The following MPPED1 variants were observed in gnomAD, a reference collection of about 807,000 sequenced individuals.
The protein encoded by MPPED1 is metallophosphoesterase domain containing 1, also known as metallophosphoesterase domain-containing protein 1.
MPPED1 carries 16 observed loss-of-function variants against 36.2 expected under a neutral mutation model. The observed-to-expected ratio is 0.44, with a 90% CI of 0.30 to 0.67. The LOEUF is 0.67. Among genes scored for constraint, MPPED1 ranks in the 30% least tolerant of loss-of-function variants. The pLI, the probability that MPPED1 is intolerant of heterozygous loss-of-function variation, is 0.10. For synonymous variants in MPPED1, 199 were observed against 191.3 expected, an observed-to-expected ratio of 1.04 and a Z score of -0.33; for missense variants, 307 against 453.4, an observed-to-expected ratio of 0.68 and a Z score of 2.93.
At chr22:43,500,130 G>A (rs1462898679) in intron 5 of MPPED1, among the ~76,000 whole-genome samples, 3 of 100,220 alleles carry the variant, frequency 3.0e-5, no homozygotes, top group Non-Finnish European at 6.1e-5. Context: ...GGTGATGGAG[G>A]TGGTAATGGA....
chr22:43,478,352 A>G (rs1931641854), intron 4 of MPPED1, among the ~76,000 whole-genome samples: 1 of 152,190 alleles, frequency 6.6e-6, no homozygotes, highest in African/African-American at 2.4e-5. Context: ...TCAAGGATGT[A>G]CAGAGTGCCA....
chr22:43,448,239 C>T (rs1930432451), intron 3 of MPPED1, among the ~76,000 whole-genome samples: 1 of 152,080 alleles, frequency 6.6e-6, no homozygotes, highest in Non-Finnish European at 1.5e-5. Context: ...TGTGCAACTT[C>T]CTGAGAGAGT....
At position 43,505,720 on chromosome 22, in the gene MPPED1, CG is replaced by C; in HGVS notation, c.*108del. ...GTTGCCTGGACGACCCATCTGGCTGCGGGGACTGGCCTAGCAGGCAGGTCAG... is the reference window on the plus strand; with the variant it reads ...GTTGCCTGGACGACCCATCTGGCTGCGGGACTGGCCTAGCAGGCAGGTCAG... On this transcript the variant is annotated 3_prime_UTR_variant, in exon 7 of 7. Transcript: ENST00000443721. 1.0e-6 allele frequency: 1 copy of C among 994,422 alleles called. No homozygotes were observed. The highest frequency in any genetic ancestry group is 1.5e-6 in the Non-Finnish European group (1 of 660,536). The allele number at this position is 994,422 out of a possible 1,614,324, so 61.6% of individuals were successfully genotyped here.
At chr22:43,449,028 A>G (rs1419836822) in intron 3 of MPPED1, among the ~76,000 whole-genome samples, 3 of 151,770 alleles carry the variant, frequency 2.0e-5, no homozygotes, top group African/African-American at 7.3e-5. Context: ...GACGGTTTTG[A>G]TATTTATGGT....
Position 43,474,741 on chromosome 22 carries a change from C to A in MPPED1, c.412C>A (p.Leu138Met), listed in dbSNP as rs1340391517. 1.2e-6 allele frequency: 2 copies of A among 1,613,880 alleles called. No homozygotes were observed. The highest frequency in any genetic ancestry group is 1.7e-6 in the Non-Finnish European group (2 of 1,179,890). ...VKKFNEWLGS[L>M]PYEYKIVIAG... ...GTCTGTGTCCACCCCTGCAGGCAGC[C>A]TGCCCTACGAGTACAAGATCGTGAT... The change falls in exon 4 of 7, where the codon CTG becomes ATG. Residue 138 changes from leucine (L) to methionine (M), a missense_variant. Around this residue, in one of 3 missense-constraint regions of MPPED1, gnomAD observed 169 missense variants for 212.3 expected, o/e 0.80. Transcript: ENST00000443721. The surrounding 1 kb of genome is among the most constrained non-coding windows in gnomAD (Gnocchi z 5.2).
chr22:43,473,804 T>A (rs1170676975), intron 3 of MPPED1, among the ~76,000 whole-genome samples: 2 of 152,110 alleles, frequency 1.3e-5, no homozygotes, highest in Non-Finnish European at 2.9e-5. Flanking sequence ...GCCGGGCAGC[T>A]GCCGAGAAAC....
intron 3 of MPPED1, among the ~76,000 whole-genome samples, chr22:43,448,633 C>T (rs557471536): frequency 2.6e-5 from 4 of 151,380 alleles, no homozygotes; most frequent in East Asian, 1.9e-4. Context: ...GACAGAGTCT[C>T]GCTCTGTCAC....
intron 1 of MPPED1, among the ~76,000 whole-genome samples, chr22:43,412,376 G>T (rs1041501847): frequency 6.6e-6 from 1 of 152,090 alleles, no homozygotes; most frequent in Non-Finnish European, 1.5e-5. Flanking sequence ...CTCCGCCAGG[G>T]CGCGGGACTC....
chr22:43,421,490 G>A (rs1929273815), intron 1 of MPPED1, among the ~76,000 whole-genome samples: 1 of 152,234 alleles, frequency 6.6e-6, no homozygotes, highest in South Asian at 2.1e-4. Context: ...CTCCTCTGGG[G>A]CAAAGACGGG....
At chr22:43,414,047 C>G (rs1054449181) in intron 1 of MPPED1, among the ~76,000 whole-genome samples, 2 of 152,180 alleles carry the variant, frequency 1.3e-5, no homozygotes, top group Non-Finnish European at 2.9e-5. Context: ...CTGGCTGATG[C>G]CCCGTGGGCT....
intron 3 of MPPED1, among the ~76,000 whole-genome samples, chr22:43,472,591 A>T (rs894230692): frequency 5.3e-5 from 8 of 152,232 alleles, no homozygotes; most frequent in African/African-American, 1.9e-4. Context: ...TAAATCCCGA[A>T]GAAGAAAGAG....
rs879257390 is a variant in MPPED1, at chr22:43,447,707, T to C, written c.406+12492T>C. Among the ~76,000 whole-genome samples, 9 of 151,178 alleles carry C rather than the reference T, an allele frequency of 6.0e-5. No homozygotes were observed. The East Asian group carries it at 1.2e-3, about 20-fold the overall frequency. On this transcript the variant is annotated intron_variant, in intron 3 of 6. Transcript: ENST00000443721. ...CTTCAGTGCTCAAGTGCAGATTACA[T>C]AGGTCTCGGGAGGGCATGACATTCT...
intron 3 of MPPED1, among the ~76,000 whole-genome samples, chr22:43,444,561 C>T (rs1199406460): frequency 1.3e-5 from 2 of 151,948 alleles, no homozygotes; most frequent in Non-Finnish European, 2.9e-5. Flanking sequence ...CGGGGTTTCA[C>T]CATGTTGGCC....
rs201503909 is a variant in MPPED1, at chr22:43,492,275, G to GTGGACCA, written c.633-5958_633-5952dup. Among the ~76,000 whole-genome samples the GTGGACCA allele has an allele frequency of 4.2e-3, 646 of 152,250 alleles. 9 individuals carry two copies. The East Asian group carries it at 0.051, about 12-fold the overall frequency. ...TTCAAGATCACACAGGTGGTAAGGAGTGGACCATTGTAACCTAGGTCTAAC... is the reference window on the plus strand; with the variant it reads ...TTCAAGATCACACAGGTGGTAAGGAGTGGACCATGGACCATTGTAACCTAGGTCTAAC... On this transcript the variant is annotated intron_variant, in intron 4 of 6. Coordinates refer to ENST00000443721, the MANE Select transcript of MPPED1 (RefSeq NM_001044370.2).
chr22:43,487,675 G>A (rs979054195), intron 4 of MPPED1, among the ~76,000 whole-genome samples: 1 of 152,204 alleles, frequency 6.6e-6, no homozygotes, highest in African/African-American at 2.4e-5. Flanking sequence ...GGGAGAGGGA[G>A]AGCCTGTGGC....
At chr22:43,451,714 C>G (rs774833344) in intron 3 of MPPED1, among the ~76,000 whole-genome samples, 15 of 152,252 alleles carry the variant, frequency 9.9e-5, no homozygotes, top group Admixed American at 2.0e-4. Context: ...ATGCGCCGCA[C>G]CCCCTTAAAA....
At chr22:43,503,076 G>A (rs976384922) in intron 6 of MPPED1, among the ~76,000 whole-genome samples, 10 of 152,306 alleles carry the variant, frequency 6.6e-5, no homozygotes, top group Admixed American at 6.5e-5. Flanking sequence ...GGGCATTTGA[G>A]CCGTGACATG....
In MPPED1 at chr22:43,467,880, A is replaced by G. The variant is rs187581729; in HGVS notation, c.407-6856A>G. Among the ~76,000 whole-genome samples, 12 of 152,328 alleles carry G rather than the reference A, an allele frequency of 7.9e-5. No individual in the cohort carries two copies. In the East Asian group the frequency reaches 2.3e-3, roughly 29 times the overall value. ...GAGAAGCTTGCACATATCTTGTTGA[A>G]TTTAACAGATTATGCAGTTTGGAGG... is the stretch of plus-strand genomic sequence containing the variant. On this transcript the variant is annotated intron_variant, in intron 3 of 6. Coordinates refer to ENST00000443721, the MANE Select transcript of MPPED1 (RefSeq NM_001044370.2).
intron 3 of MPPED1, among the ~76,000 whole-genome samples, chr22:43,458,213 T>C (rs1020838660): frequency 3.9e-4 from 60 of 152,360 alleles, no homozygotes; most frequent in African/African-American, 1.4e-3. Context: ...AGTCCATGAC[T>C]GTATTCCTTA....
Sources: allele counts gnomAD v4.1 joint callset (sites outside exome capture counted in the v4.1 genomes callset), GRCh38; gene constraint gnomAD v4.1.1; regional missense constraint gnomAD v4.1.1; non-coding constraint Gnocchi (gnomAD v3.1); transcripts MANE v1.5; gene names NCBI Gene and HGNC (gene_info 2026-07-23, HGNC 2026-07-21).